Variants in DOCK1 observed in about 807,000 individuals in gnomAD.
DOCK1 encodes dedicator of cytokinesis protein 1.
Under a neutral mutation model 262.7 loss-of-function variants are expected in DOCK1, and 138 were observed. That is an observed-to-expected ratio of 0.53 (90% CI 0.46 to 0.61). DOCK1 has a LOEUF of 0.61. Among genes scored for constraint, DOCK1 ranks in the 20% least tolerant of loss-of-function variants. The pLI is 0.00. For synonymous variants in DOCK1, 866 were observed against 867.4 expected, an observed-to-expected ratio of 1.00 and a Z score of 0.03; for missense variants, 1,908 against 2,370.7, an observed-to-expected ratio of 0.80 and a Z score of 4.05.
chr10:127,017,858 C>T (rs539075060), intron 12 of DOCK1, among the ~76,000 whole-genome samples: 5 of 152,320 alleles, frequency 3.3e-5, no homozygotes, highest in African/African-American at 1.2e-4. Context: ...CCGCCTTTGA[C>T]TTGTTGGAAT....
At chr10:127,438,658 C>T (rs915673521) in intron 48 of DOCK1, among the ~76,000 whole-genome samples, 1 of 152,154 alleles carries the variant, frequency 6.6e-6, no homozygotes, top group African/African-American at 2.4e-5. Flanking sequence ...TATTTTTCCC[C>T]ATTAAAAAAT....
chr10:127,337,313 T>C (rs1326350113), intron 29 of DOCK1, among the ~76,000 whole-genome samples: 1 of 152,158 alleles, frequency 6.6e-6, no homozygotes, highest in Non-Finnish European at 1.5e-5. Context: ...GCTCATACTT[T>C]GTACTTCTGG....
At chr10:127,385,851 C>T (rs372196668) in intron 38 of DOCK1, among the ~76,000 whole-genome samples, 1 of 152,212 alleles carries the variant, frequency 6.6e-6, no homozygotes, top group East Asian at 1.9e-4. Context: ...TCTCCTCATG[C>T]GAGTTTCTGT....
Position 127,043,956 on chromosome 10 carries a change from G to A in DOCK1, c.2201+792G>A, listed in dbSNP as rs983500205. Among the ~76,000 whole-genome samples, 5 of 152,068 alleles carry A rather than the reference G, an allele frequency of 3.3e-5. No individual in the cohort carries two copies. In the East Asian group the frequency reaches 7.7e-4, roughly 23 times the overall value. ...TGGACTAATCCCTGGCACTTAGAAA[G>A]CACTAAGCAATTATTGGGTTTCATT... is the stretch of plus-strand genomic sequence containing the variant. On this transcript the variant is annotated intron_variant, in intron 21 of 51. Coordinates refer to ENST00000623213, the MANE Select transcript of DOCK1 (RefSeq NM_001290223.2).
At chr10:127,441,513 A>G (rs959429545) in intron 49 of DOCK1, among the ~76,000 whole-genome samples, 2 of 152,210 alleles carry the variant, frequency 1.3e-5, no homozygotes, top group African/African-American at 4.8e-5. Context: ...CTGTCTACGC[A>G]GAGGGCACCT....
intron 33 of DOCK1, among the ~76,000 whole-genome samples, chr10:127,366,787 C>G (rs1019236135): frequency 6.6e-6 from 1 of 152,206 alleles, no homozygotes; most frequent in Non-Finnish European, 1.5e-5. Flanking sequence ...TGCTGCCTAA[C>G]TCCTCTGCCA....
intron 27 of DOCK1, among the ~76,000 whole-genome samples, chr10:127,174,445 C>A (rs1004713336): frequency 6.6e-6 from 1 of 152,190 alleles, no homozygotes; most frequent in Non-Finnish European, 1.5e-5. Context: ...TAAAACCCCA[C>A]CTTTAGGTCA....
intron 1 of DOCK1, among the ~76,000 whole-genome samples, chr10:126,944,495 G>C (rs2035249777): frequency 1.3e-5 from 2 of 152,148 alleles, no homozygotes; most frequent in African/African-American, 4.8e-5. Context: ...CTCCAGAGAT[G>C]ACCTGTGTGG....
intron 1 of DOCK1, among the ~76,000 whole-genome samples, chr10:126,956,586 C>T (rs941316001): frequency 1.7e-4 from 26 of 152,250 alleles, no homozygotes; most frequent in Non-Finnish European, 3.4e-4. Context: ...CTCCTCAGCT[C>T]GCACTGGGGC....
intron 2 of DOCK1, among the ~76,000 whole-genome samples, chr10:126,973,660 A>C (rs2038285438): frequency 2.0e-5 from 3 of 152,216 alleles, no homozygotes; most frequent in African/African-American, 7.2e-5. Context: ...ATCTAATCAG[A>C]GAAATGCATT....
At chr10:127,431,742 A>G (rs1006522315) in intron 47 of DOCK1, among the ~76,000 whole-genome samples, 2 of 152,138 alleles carry the variant, frequency 1.3e-5, no homozygotes, top group Non-Finnish European at 1.5e-5. Context: ...TCATTTCTGT[A>G]TTATCTGTGG....
At chr10:127,125,429 T>G (rs1289186870) in intron 25 of DOCK1, 45 bp from the exon 26 acceptor site, 1 of 1,606,528 alleles carries the variant, frequency 6.2e-7, no homozygotes, top group Admixed American at 1.7e-5. Flanking sequence ...ACGAGTTGCG[T>G]CTTGGTGGGT....
At chr10:127,150,459 C>G (rs1564843602) in intron 27 of DOCK1, among the ~76,000 whole-genome samples, 1 of 152,128 alleles carries the variant, frequency 6.6e-6, no homozygotes, top group Non-Finnish European at 1.5e-5. Context: ...TTACATAAGC[C>G]CTCTTAGCTG....
intron 34 of DOCK1, 49 bp downstream of exon 34, chr10:127,373,915 G>A: frequency 6.4e-7 from 1 of 1,567,552 alleles, no homozygotes; most frequent in Non-Finnish European, 8.7e-7. Flanking sequence ...TACAGAGACA[G>A]AGAGACCGTA....
chr10:127,058,109 C>G (rs1249101256), intron 22 of DOCK1, among the ~76,000 whole-genome samples: 1 of 151,168 alleles, frequency 6.6e-6, no homozygotes, highest in African/African-American at 2.5e-5. Context: ...AAAGATGCTT[C>G]AAAAGGATCA....
chr10:127,405,161 G>A lies in DOCK1; in HGVS notation c.4122+732G>A, dbSNP rs77992796. Among the ~76,000 whole-genome samples the A allele has an allele frequency of 7.3e-3, 1,115 of 152,256 alleles. 6 individuals carry two copies. The highest frequency in any genetic ancestry group is 0.037 in the Middle Eastern group (11 of 294). ...TGAAGATGTATGTTTTTAATTATATGGGAAATTGGAAATGGATCTGTATGG... is the reference window on the plus strand; with the variant it reads ...TGAAGATGTATGTTTTTAATTATATAGGAAATTGGAAATGGATCTGTATGG... On this transcript the variant is annotated intron_variant, in intron 40 of 51. Transcript: ENST00000623213.
At chr10:126,977,069 A>G (rs1181495873) in intron 2 of DOCK1, among the ~76,000 whole-genome samples, 3 of 152,166 alleles carry the variant, frequency 2.0e-5, no homozygotes, top group African/African-American at 7.2e-5. Context: ...CAGAAACTAG[A>G]TGGCCTGGAG....
intron 21 of DOCK1, among the ~76,000 whole-genome samples, chr10:127,051,262 A>C (rs2044705054): frequency 6.6e-6 from 1 of 151,980 alleles, no homozygotes; most frequent in Non-Finnish European, 1.5e-5. Context: ...TTAAAACTAA[A>C]TGTTTTTGGG....
chr10:127,378,339 G>T lies in DOCK1; in HGVS notation c.3676-1743G>T, dbSNP rs573546391. ...CCTAGCGGTGGATTGGAGTTGGGGGGCCGGTCCCAATGGGGTTCCTCTGGG... is the reference window on the plus strand; with the variant it reads ...CCTAGCGGTGGATTGGAGTTGGGGGTCCGGTCCCAATGGGGTTCCTCTGGG... On this transcript the variant is annotated intron_variant, in intron 35 of 51. Transcript: ENST00000623213. Among the ~76,000 whole-genome samples the T allele has an allele frequency of 2.0e-5, 3 of 152,294 alleles. No individual in the cohort carries two copies. The East Asian group carries it at 5.8e-4, about 29-fold the overall frequency.
Sources: allele counts gnomAD v4.1 joint callset (sites outside exome capture counted in the v4.1 genomes callset), GRCh38; gene constraint gnomAD v4.1.1; transcripts MANE v1.5; gene names NCBI Gene and HGNC (gene_info 2026-07-23, HGNC 2026-07-21).